SNX29: variants seen among roughly 807,000 people sequenced by gnomAD.
The protein encoded by SNX29 is sorting nexin-29.
Under a neutral mutation model 102.1 loss-of-function variants are expected in SNX29, and 78 were observed. The observed-to-expected ratio is 0.76, with a 90% CI of 0.64 to 0.92. SNX29 has a LOEUF of 0.92. Among genes scored for constraint, SNX29 ranks in the 40% least tolerant of loss-of-function variants. The probability of loss-of-function intolerance (pLI) is 0.00; values close to 1 mark genes in which losing one functional copy is unlikely to be tolerated. For missense variants in SNX29, 1,280 were observed against 1,061.7 expected (o/e 1.21, Z -2.86); for synonymous variants, 580 against 414.5 (o/e 1.40, Z -4.85).
chr16:11,999,770 A>G (rs2056219752), intron 2 of SNX29, among the ~76,000 whole-genome samples: 1 of 152,058 alleles, frequency 6.6e-6, no homozygotes, highest in Non-Finnish European at 1.5e-5. Flanking sequence ...GTGTGGTGGC[A>G]GGCACCTGTA....
chr16:12,034,238 A>G (rs575035864), intron 4 of SNX29, among the ~76,000 whole-genome samples: 29 of 152,336 alleles, frequency 1.9e-4, no homozygotes, highest in African/African-American at 6.5e-4. Context: ...AGGAAGCTGC[A>G]TGTGCCAGGG....
intron 15 of SNX29, among the ~76,000 whole-genome samples, chr16:12,343,039 C>T (rs373795439): frequency 6.6e-6 from 1 of 152,188 alleles, no homozygotes; most frequent in Non-Finnish European, 1.5e-5. Context: ...ATTTAATGTT[C>T]TTTCATTTAC....
chr16:12,300,185 T>C (rs571996775), intron 15 of SNX29, among the ~76,000 whole-genome samples: 1 of 152,328 alleles, frequency 6.6e-6, no homozygotes, highest in South Asian at 2.1e-4. Flanking sequence ...ATAAATACAA[T>C]TTCTTATGAG....
rs889654653 is a variant in SNX29, at chr16:12,096,874, C to T, written c.1402+17959C>T. 5.9e-5 allele frequency among the ~76,000 whole-genome samples: 9 copies of T among 152,212 alleles called. No homozygotes were observed. Among genetic ancestry groups the T allele is most frequent in the Middle Eastern group, 3.4e-3 (1 of 294 alleles). Reference sequence around the variant, plus strand: ...TGCTCCCAGGAGGGGAAGGAGGAACCGATGACAGCAGGATGAATGTAGCAA... The same window carrying T: ...TGCTCCCAGGAGGGGAAGGAGGAACTGATGACAGCAGGATGAATGTAGCAA... On this transcript the variant is annotated intron_variant, in intron 11 of 20. Coordinates refer to ENST00000566228, the MANE Select transcript of SNX29 (RefSeq NM_032167.5). The surrounding 1 kb of genome is among the most constrained non-coding windows in gnomAD (Gnocchi z 4.2).
intron 18 of SNX29, among the ~76,000 whole-genome samples, chr16:12,469,356 C>A (rs1018927874): frequency 6.6e-6 from 1 of 152,166 alleles, no homozygotes; most frequent in African/African-American, 2.4e-5. Flanking sequence ...ACACATGAAG[C>A]CATTTCATTA....
At chr16:12,399,484 C>G (rs868481303) in intron 17 of SNX29, among the ~76,000 whole-genome samples, 1 of 152,186 alleles carries the variant, frequency 6.6e-6, no homozygotes, top group African/African-American at 2.4e-5. Context: ...AAGAAAAGCC[C>G]GGGAAAAGTC....
intron 20 of SNX29, among the ~76,000 whole-genome samples, chr16:12,541,184 G>A (rs1179095928): frequency 2.0e-5 from 3 of 152,128 alleles, no homozygotes; most frequent in Admixed American, 6.5e-5. Flanking sequence ...CCTCAGTATT[G>A]TCTATCCTGA....
intron 18 of SNX29, among the ~76,000 whole-genome samples, chr16:12,411,030 A>G (rs1186058484): frequency 6.6e-6 from 1 of 152,226 alleles, no homozygotes; most frequent in East Asian, 1.9e-4. Context: ...TTCATTAAGT[A>G]GAGAAAGATG....
intron 20 of SNX29, among the ~76,000 whole-genome samples, chr16:12,537,553 C>A (rs556389025): frequency 1.3e-5 from 2 of 152,154 alleles, no homozygotes; most frequent in Non-Finnish European, 1.5e-5. Flanking sequence ...TGGAGCTTCT[C>A]GAAGGGAAGC....
At chr16:12,160,689 C>A (rs909715719) in intron 13 of SNX29, among the ~76,000 whole-genome samples, 7 of 147,318 alleles carry the variant, frequency 4.8e-5, no homozygotes, top group African/African-American at 1.7e-4. Context: ...ACTGGACATG[C>A]ACTTTAAAAG....
chr16:12,365,063 A>T (rs1023027282), intron 16 of SNX29, among the ~76,000 whole-genome samples: 1 of 152,098 alleles, frequency 6.6e-6, no homozygotes, highest in Non-Finnish European at 1.5e-5. Flanking sequence ...TTTGTGACTC[A>T]CCCAAAGGCA....
intron 11 of SNX29, among the ~76,000 whole-genome samples, chr16:12,097,431 GTTGT>G (rs2052813716): frequency 6.6e-6 from 1 of 152,208 alleles, no homozygotes; most frequent in African/African-American, 2.4e-5. Flanking sequence ...CATCTGGCTG[GTTGT>G]TCCCTGCCTC....
intron 18 of SNX29, among the ~76,000 whole-genome samples, chr16:12,440,370 C>T (rs2085745343): frequency 6.6e-6 from 1 of 152,194 alleles, no homozygotes; most frequent in Non-Finnish European, 1.5e-5. Flanking sequence ...TGGCTGTTAG[C>T]AGGCAGTCTC....
intron 14 of SNX29, among the ~76,000 whole-genome samples, chr16:12,207,262 G>T (rs983126451): frequency 6.6e-6 from 1 of 152,114 alleles, no homozygotes; most frequent in Non-Finnish European, 1.5e-5. Context: ...CTAGTTACTT[G>T]GGAGGCTGAG....
rs1212984110 is a variant in SNX29, at chr16:12,568,429, C to G, written c.2319-77C>G. The G allele has an allele frequency of 8.2e-6, 13 of 1,576,170 alleles. No homozygotes were observed. In the African/African-American group the frequency reaches 9.4e-5, roughly 11 times the overall value. ...CAATCAGATCCCTCCTGCCCTCACA[C>G]CTGGCTCCCCTTCCTGGCCTGTGGT... On this transcript the variant is annotated intron_variant, in intron 20 of 20. Transcript: ENST00000566228.
chr16:12,033,590 A>T (rs1386431484), intron 4 of SNX29, among the ~76,000 whole-genome samples: 1 of 151,174 alleles, frequency 6.6e-6, no homozygotes, highest in African/African-American at 2.4e-5. Flanking sequence ...CTATGTATGG[A>T]ACTACCCGTT....
chr16:12,300,072 A>G (rs1485500573), intron 15 of SNX29, among the ~76,000 whole-genome samples: 2 of 152,108 alleles, frequency 1.3e-5, no homozygotes, highest in Non-Finnish European at 2.9e-5. Context: ...GGGCTGCGCC[A>G]TGTTGGCCAG....
chr16:12,552,803 G>C (rs183749963), intron 20 of SNX29, among the ~76,000 whole-genome samples: 1 of 152,196 alleles, frequency 6.6e-6, no homozygotes, highest in Non-Finnish European at 1.5e-5. Context: ...CATCCTGGAG[G>C]AGAGAACAGC....
intron 18 of SNX29, among the ~76,000 whole-genome samples, chr16:12,404,617 G>A (rs7200486): frequency 0.013 from 2,019 of 152,224 alleles, 46 homozygotes; most frequent in African/African-American, 0.046. Flanking sequence ...GTGAGAAATT[G>A]ACTTATTGAA....
Sources: allele counts gnomAD v4.1 joint callset (sites outside exome capture counted in the v4.1 genomes callset), GRCh38; gene constraint gnomAD v4.1.1; non-coding constraint Gnocchi (gnomAD v3.1); transcripts MANE v1.5; gene names NCBI Gene and HGNC (gene_info 2026-07-23, HGNC 2026-07-21).